VRK1: variants seen among roughly 807,000 people sequenced by gnomAD.
VRK1 encodes the protein VRK serine/threonine kinase 1, also known as serine/threonine-protein kinase VRK1.
Under a neutral mutation model 57.1 loss-of-function variants are expected in VRK1, and 33 were observed. That is an observed-to-expected ratio of 0.58 (90% CI 0.44 to 0.77). The LOEUF (loss-of-function observed/expected upper bound fraction) is 0.77. Ranked by LOEUF, VRK1 falls within the 30% of genes least tolerant of loss-of-function variation. The pLI, the probability that VRK1 is intolerant of heterozygous loss-of-function variation, is 0.00. For missense variants in VRK1, 413 were observed against 477.3 expected (o/e 0.87, Z 1.25); for synonymous variants, 137 against 147.8 (o/e 0.93, Z 0.53).
chr14:96,854,937 CAA>C (rs1888091053), intron 7 of VRK1, among the ~76,000 whole-genome samples: 1 of 151,912 alleles, frequency 6.6e-6, no homozygotes, highest in African/African-American at 2.4e-5. Flanking sequence ...CAAATTGAGA[CAA>C]GATTAATTAC....
At chr14:96,812,393 C>A (rs1302612113) in intron 1 of VRK1, among the ~76,000 whole-genome samples, 1 of 152,174 alleles carries the variant, frequency 6.6e-6, no homozygotes, top group African/African-American at 2.4e-5. Context: ...ATTCAGATCT[C>A]TCTAGATCCT....
At chr14:96,848,450 G>A (rs1012869376) in intron 5 of VRK1, among the ~76,000 whole-genome samples, 1 of 152,126 alleles carries the variant, frequency 6.6e-6, no homozygotes, top group Non-Finnish European at 1.5e-5. Flanking sequence ...AACCAAATTG[G>A]TGCTCCGTTA....
At chr14:96,821,933 A>G (rs188350199) in intron 1 of VRK1, among the ~76,000 whole-genome samples, 9 of 148,502 alleles carry the variant, frequency 6.1e-5, no homozygotes, top group African/African-American at 9.9e-5. Context: ...GTGGGATGCT[A>G]TTCCTCTAGA....
intron 2 of VRK1, among the ~76,000 whole-genome samples, chr14:96,833,951 C>G (rs183479874): frequency 6.1e-4 from 93 of 152,284 alleles, no homozygotes; most frequent in Admixed American, 1.5e-3. Flanking sequence ...CCCACCTCCA[C>G]CTATGTGGGA....
At chr14:96,835,917 A>G (rs1281039736) in intron 2 of VRK1, among the ~76,000 whole-genome samples, 1 of 152,164 alleles carries the variant, frequency 6.6e-6, no homozygotes, top group Non-Finnish European at 1.5e-5. Flanking sequence ...TTTATGACCA[A>G]GTATACTGAT....
chr14:96,831,983 A>G (rs1421806913), intron 1 of VRK1, among the ~76,000 whole-genome samples: 1 of 152,212 alleles, frequency 6.6e-6, no homozygotes. Flanking sequence ...TACCATGAGT[A>G]AAAACACATT....
At chr14:96,847,372 C>T (rs771844633) in intron 5 of VRK1, 28 bp downstream of exon 5, 4 of 1,578,516 alleles carry the variant, frequency 2.5e-6, no homozygotes, top group Admixed American at 1.7e-5. Flanking sequence ...TTGTCTTTCT[C>T]CTTCCCTTTT....
chr14:96,839,873 C>T (rs796805076), intron 3 of VRK1, among the ~76,000 whole-genome samples: 12 of 152,124 alleles, frequency 7.9e-5, no homozygotes, highest in African/African-American at 2.9e-4. Context: ...GGTTTTTCTC[C>T]TTTCCTCTGT....
chr14:96,860,137 G>C (rs540100182), intron 10 of VRK1, among the ~76,000 whole-genome samples: 2 of 151,858 alleles, frequency 1.3e-5, no homozygotes, highest in East Asian at 3.9e-4. Flanking sequence ...TCATTTACAC[G>C]AAGAATATAG....
intron 1 of VRK1, among the ~76,000 whole-genome samples, chr14:96,826,308 T>C (rs1886799598): frequency 6.6e-6 from 1 of 152,194 alleles, no homozygotes; most frequent in Admixed American, 6.5e-5. Context: ...TGAATATGTA[T>C]AGTTCCAAGC....
intron 1 of VRK1, among the ~76,000 whole-genome samples, chr14:96,813,155 A>C (rs1212507846): frequency 6.6e-6 from 1 of 152,260 alleles, no homozygotes; most frequent in African/African-American, 2.4e-5. Context: ...TGACATATAC[A>C]TAACTAATGG....
chr14:96,819,843 C>A (rs1886530993), intron 1 of VRK1, among the ~76,000 whole-genome samples: 1 of 152,162 alleles, frequency 6.6e-6, no homozygotes, highest in South Asian at 2.1e-4. Context: ...ATTCATTCAA[C>A]TTTTGGAGTG....
intron 1 of VRK1, among the ~76,000 whole-genome samples, chr14:96,827,954 C>T (rs1886863424): frequency 6.6e-6 from 1 of 152,164 alleles, no homozygotes; most frequent in South Asian, 2.1e-4. Flanking sequence ...GCTACCAGAT[C>T]CCTAGGAACC....
chr14:96,855,232 G>A lies in VRK1; in HGVS notation c.585G>A (p.Leu195=). 1 of 1,613,896 alleles carries A rather than the reference G, an allele frequency of 6.2e-7. No individual in the cohort carries two copies. The highest frequency in any genetic ancestry group is 8.5e-7 in the Non-Finnish European group (1 of 1,179,896). Residue 195 remains leucine (L), a synonymous_variant, in exon 8 of 13, where the codon TTG becomes TTA. Coordinates refer to ENST00000216639, the MANE Select transcript of VRK1 (RefSeq NM_003384.3). ...LNYKNPDQVY[L]VDYGLAYRYC... The stretch of plus-strand genomic sequence containing the variant: ...TGCTTGGAAATTTATAGGTGTACTT[G>A]GTAGATTATGGCCTTGCTTATCGGT...
chr14:96,799,677 T>A lies in VRK1; in HGVS notation c.-6+2230T>A, dbSNP rs145699384. On this transcript the variant is annotated intron_variant, in intron 1 of 12. Transcript: ENST00000216639. Reference sequence around the variant, plus strand: ...TAATGGGAATTAAATGCTGCCTCTTTGTGCGTGTGAGTGAGGCTTTCATGA... The same window carrying A: ...TAATGGGAATTAAATGCTGCCTCTTAGTGCGTGTGAGTGAGGCTTTCATGA... Among the ~76,000 whole-genome samples, 343 of 152,336 alleles carry A rather than the reference T, an allele frequency of 2.3e-3. 2 individuals carry two copies. Among genetic ancestry groups the A allele is most frequent in the Middle Eastern group, 6.8e-3 (2 of 294 alleles).
At chr14:96,799,412 G>A (rs1162329450) in intron 1 of VRK1, among the ~76,000 whole-genome samples, 1 of 151,454 alleles carries the variant, frequency 6.6e-6, no homozygotes, top group Non-Finnish European at 1.5e-5. Flanking sequence ...GAAAAAACAA[G>A]ATTTTAATTT....
rs774569741 is a variant in VRK1, at chr14:96,846,133, G to A, written c.255G>A (p.Lys85=). ...SDNGPLFTEL[K]FYQRAAKPEQ... ...ATGGACCTCTTTTTACTGAATTAAAGTTCTACCAACGAGCTGCAAAACCAG... is the reference window on the plus strand; with the variant it reads ...ATGGACCTCTTTTTACTGAATTAAAATTCTACCAACGAGCTGCAAAACCAG... Residue 85 remains lysine (K), a synonymous_variant, in exon 4 of 13, where the codon AAG becomes AAA. Coordinates refer to ENST00000216639, the MANE Select transcript of VRK1 (RefSeq NM_003384.3). 7.4e-6 allele frequency: 12 copies of A among 1,613,228 alleles called. No individual in the cohort carries two copies. Among genetic ancestry groups the A allele is most frequent in the African/African-American group, 1.3e-5 (1 of 74,844 alleles).
intron 11 of VRK1, among the ~76,000 whole-genome samples, chr14:96,865,981 C>T (rs1167981890): frequency 6.6e-6 from 1 of 151,640 alleles, no homozygotes; most frequent in East Asian, 1.9e-4. Flanking sequence ...TTTTTTAAGC[C>T]TCTGATGCAT....
Position 96,855,421 on chromosome 14 carries a change from T to TATGTAGGAATTATTTG in VRK1, c.709+65_709+66insATGTAGGAATTATTTG, listed in dbSNP as rs563649556. ...GTTTTCACCCAGATTCCTACATAGT[T>TATGTAGGAATTATTTG]CTTAATTATGCATAAGTAAATGAAT... On this transcript the variant is annotated intron_variant, in intron 8 of 12. Transcript: ENST00000216639. 251 of 1,611,006 alleles carry TATGTAGGAATTATTTG rather than the reference T, an allele frequency of 1.6e-4. 3 individuals carry two copies. The South Asian group carries it at 2.4e-3, about 15-fold the overall frequency.
Sources: allele counts gnomAD v4.1 joint callset (sites outside exome capture counted in the v4.1 genomes callset), GRCh38; gene constraint gnomAD v4.1.1; transcripts MANE v1.5; gene names NCBI Gene and HGNC (gene_info 2026-07-23, HGNC 2026-07-21).